NPAS3: variants seen among roughly 807,000 people sequenced by gnomAD.
The protein encoded by NPAS3 is neuronal PAS domain-containing protein 3.
A neutral mutation model predicts 73.1 loss-of-function variants in NPAS3; 14 were observed. That is an observed-to-expected ratio of 0.19 (90% CI 0.13 to 0.30). The LOEUF is 0.30. NPAS3 is among the 10% of genes least tolerant of loss of function. The pLI, the probability that NPAS3 is intolerant of heterozygous loss-of-function variation, is 1.00. For synonymous variants in NPAS3, 620 were observed against 541.5 expected (o/e 1.14, Z -2.01); for missense variants, 1,096 against 1,250.0 (o/e 0.88, Z 1.86).
intron 1 of NPAS3, among the ~76,000 whole-genome samples, chr14:32,953,821 T>G (rs1230593352): frequency 1.3e-5 from 2 of 152,134 alleles, no homozygotes; most frequent in East Asian, 3.9e-4. Flanking sequence ...ACCCTTGAGT[T>G]TAGGGAACTT....
intron 2 of NPAS3, among the ~76,000 whole-genome samples, chr14:33,130,218 TA>T (rs2043584201): frequency 6.6e-6 from 1 of 152,164 alleles, no homozygotes; most frequent in South Asian, 2.1e-4. Context: ...TTAATGGAAA[TA>T]ATTTCCTTTT....
chr14:33,575,173 T>C (rs11845303), intron 5 of NPAS3, among the ~76,000 whole-genome samples: 3,650 of 152,296 alleles, frequency 0.024, 161 homozygotes, highest in African/African-American at 0.084. Context: ...ATCATGCAAT[T>C]AACTTTTACC....
At chr14:33,289,545 G>A (rs2042011908) in intron 3 of NPAS3, among the ~76,000 whole-genome samples, 1 of 152,106 alleles carries the variant, frequency 6.6e-6, no homozygotes, top group Non-Finnish European at 1.5e-5. Context: ...CCTTGGCCAG[G>A]TGCGGCGGCT....
At chr14:33,080,016 C>T (rs1435639536) in intron 2 of NPAS3, among the ~76,000 whole-genome samples, 3 of 152,172 alleles carry the variant, frequency 2.0e-5, no homozygotes, top group Non-Finnish European at 4.4e-5. Context: ...ATGTTTCTCA[C>T]CCATAAGAAA....
At chr14:33,286,905 T>C (rs1262684607) in intron 3 of NPAS3, among the ~76,000 whole-genome samples, 1 of 152,196 alleles carries the variant, frequency 6.6e-6, no homozygotes, top group Non-Finnish European at 1.5e-5. Flanking sequence ...CAGCCGTGAT[T>C]TCCTTAAAAA....
chr14:33,121,506 A>G (rs968488157), intron 2 of NPAS3, among the ~76,000 whole-genome samples: 2 of 152,144 alleles, frequency 1.3e-5, no homozygotes, highest in African/African-American at 4.8e-5. Context: ...AGCACCTGGG[A>G]AAGTAGTTAG....
At chr14:33,563,998 A>G (rs914948058) in intron 5 of NPAS3, among the ~76,000 whole-genome samples, 1 of 152,246 alleles carries the variant, frequency 6.6e-6, no homozygotes, top group Non-Finnish European at 1.5e-5. Context: ...TTTAAAGCTT[A>G]GAGAAATATT....
chr14:33,743,755 T>C (rs1048762303), intron 7 of NPAS3, among the ~76,000 whole-genome samples: 3 of 152,268 alleles, frequency 2.0e-5, no homozygotes, highest in Admixed American at 6.5e-5. Flanking sequence ...TGTAGTTACC[T>C]TCATCAATGA....
chr14:33,285,573 A>G (rs1436826402), intron 3 of NPAS3, among the ~76,000 whole-genome samples: 1 of 152,206 alleles, frequency 6.6e-6, no homozygotes, highest in Non-Finnish European at 1.5e-5. Flanking sequence ...AGGTTAGTGA[A>G]GAAGCTAGGT....
intron 3 of NPAS3, among the ~76,000 whole-genome samples, chr14:33,296,032 T>C (rs1011816359): frequency 1.9e-4 from 29 of 152,198 alleles, no homozygotes; most frequent in African/African-American, 7.0e-4. Flanking sequence ...TCTGTCCTTT[T>C]AAATTACTGA....
At chr14:33,164,891 A>G (rs1430463883) in intron 2 of NPAS3, among the ~76,000 whole-genome samples, 1 of 151,296 alleles carries the variant, frequency 6.6e-6, no homozygotes, top group Non-Finnish European at 1.5e-5. Flanking sequence ...TACTGGTGAG[A>G]CAGGGAATTA....
chr14:33,039,929 T>A (rs2040297823), intron 1 of NPAS3, among the ~76,000 whole-genome samples: 1 of 152,212 alleles, frequency 6.6e-6, no homozygotes, highest in Non-Finnish European at 1.5e-5. Flanking sequence ...CTTGATAGAA[T>A]TCTGTTTGGT....
intron 3 of NPAS3, among the ~76,000 whole-genome samples, chr14:33,359,628 G>A (rs942435319): frequency 1.3e-5 from 2 of 152,188 alleles, no homozygotes; most frequent in African/African-American, 4.8e-5. Context: ...TCTTGAGAGA[G>A]TGTACCAAAT....
intron 6 of NPAS3, among the ~76,000 whole-genome samples, chr14:33,732,343 C>T (rs780242088): frequency 3.1e-4 from 47 of 152,148 alleles, no homozygotes; most frequent in Non-Finnish European, 4.7e-4. Context: ...ACGCCTCTCA[C>T]GTGAGACAGT....
chr14:33,058,954 G>A (rs2040989575), intron 2 of NPAS3, among the ~76,000 whole-genome samples: 2 of 152,202 alleles, frequency 1.3e-5, no homozygotes, highest in Admixed American at 1.3e-4. Context: ...GAATGAAGAG[G>A]CTACGCTGTT....
chr14:33,679,186 T>C (rs2059861497), intron 6 of NPAS3, among the ~76,000 whole-genome samples: 1 of 152,198 alleles, frequency 6.6e-6, no homozygotes, highest in African/African-American at 2.4e-5. Context: ...GAGGCCCTCT[T>C]CCTTGATGGT....
At chr14:33,416,703 A>G (rs893970392) in intron 4 of NPAS3, among the ~76,000 whole-genome samples, 2 of 152,036 alleles carry the variant, frequency 1.3e-5, no homozygotes, top group African/African-American at 2.4e-5. Context: ...TAGACATTCT[A>G]TTCTTACTCC....
At chr14:33,557,044 G>C (rs116981489) in intron 4 of NPAS3, among the ~76,000 whole-genome samples, 3,434 of 152,292 alleles carry the variant, frequency 0.023, 45 homozygotes, top group Middle Eastern at 0.048. Context: ...ACAAAGGGGA[G>C]GGTCCTAATT....
intron 2 of NPAS3, among the ~76,000 whole-genome samples, chr14:33,198,198 A>C (rs563029512): frequency 6.6e-6 from 1 of 152,218 alleles, no homozygotes; most frequent in Non-Finnish European, 1.5e-5. Context: ...GAGCAACAGC[A>C]AGAGTTATTG....
Sources: gnomAD v4.1 joint callset for allele counts (sites outside exome capture counted in the v4.1 genomes callset) on GRCh38, gnomAD v4.1.1 for gene constraint, MANE v1.5 for transcripts, NCBI Gene and HGNC (gene_info 2026-07-23, HGNC 2026-07-21) for gene names.